The following RYR2 variants were observed in gnomAD, a reference collection of about 807,000 sequenced individuals.
RYR2 encodes ryanodine receptor 2.
A neutral mutation model predicts 601.1 loss-of-function variants in RYR2; 227 were observed. The observed-to-expected ratio is 0.38, with a 90% CI of 0.34 to 0.42. The LOEUF is 0.42. Ranked by LOEUF, RYR2 falls within the 10% of genes least tolerant of loss-of-function variation. The probability of loss-of-function intolerance (pLI) is 1.00; values close to 1 mark genes in which losing one functional copy is unlikely to be tolerated. For missense variants in RYR2, 4,646 were observed against 6,156.5 expected, an observed-to-expected ratio of 0.75 and a Z score of 8.21; for synonymous variants, 2,223 against 2,175.1, an observed-to-expected ratio of 1.02 and a Z score of -0.61.
At chr1:237,815,589 C>T (rs888811666) in intron 100 of RYR2, among the ~76,000 whole-genome samples, 1 of 152,116 alleles carries the variant, frequency 6.6e-6, no homozygotes, top group African/African-American at 2.4e-5. Flanking sequence ...TGCTGGAATC[C>T]CTTCATCACA....
chr1:237,804,404 C>T (rs749672223), intron 98 of RYR2, among the ~76,000 whole-genome samples: 13 of 151,844 alleles, frequency 8.6e-5, no homozygotes, highest in Non-Finnish European at 1.8e-4. Flanking sequence ...TTTACTAGCT[C>T]AGCCCCCTCT....
At chr1:237,796,526 GGTTTC>G (rs902676549) in intron 96 of RYR2, among the ~76,000 whole-genome samples, 3 of 152,008 alleles carry the variant, frequency 2.0e-5, no homozygotes, top group African/African-American at 7.2e-5. Flanking sequence ...TCTTTCTTTT[GGTTTC>G]TTTTAATTTA....
chr1:237,166,621 A>G (rs1676742985), intron 1 of RYR2, among the ~76,000 whole-genome samples: 1 of 152,168 alleles, frequency 6.6e-6, no homozygotes, highest in Non-Finnish European at 1.5e-5. Flanking sequence ...TTTTCTTTGG[A>G]TTTGTTACGT....
intron 62 of RYR2, 89 bp from the exon 63 acceptor site, chr1:237,687,366 C>CTTTTTTTTTTTTTTTTTTTTT: frequency 7.8e-6 from 2 of 257,686 alleles, no homozygotes; most frequent in East Asian, 7.7e-5. Flanking sequence ...TTTTCTTCTT[C>CTTTTTTTTTTTTTTTTTTTTT]TTTTTTTTTT....
At chr1:237,603,495 G>C (rs1023034734) in intron 35 of RYR2, among the ~76,000 whole-genome samples, 1 of 152,212 alleles carries the variant, frequency 6.6e-6, no homozygotes, top group African/African-American at 2.4e-5. Context: ...AAAGACCATC[G>C]ATGCTAGGAA....
chr1:237,541,664 C>A (rs554468710), intron 25 of RYR2, among the ~76,000 whole-genome samples: 2 of 151,886 alleles, frequency 1.3e-5, no homozygotes, highest in Admixed American at 6.6e-5. Context: ...GGGCTGAGTC[C>A]GAAAAGAGAG....
At chr1:237,556,778 C>T (rs888177412) in intron 27 of RYR2, among the ~76,000 whole-genome samples, 2 of 148,506 alleles carry the variant, frequency 1.3e-5, no homozygotes, top group East Asian at 2.0e-4. Flanking sequence ...AGAGTCATAA[C>T]ACAGGGGGTT....
chr1:237,734,473 G>T (rs1690963298), intron 79 of RYR2, among the ~76,000 whole-genome samples: 1 of 152,182 alleles, frequency 6.6e-6, no homozygotes, highest in Non-Finnish European at 1.5e-5. Flanking sequence ...TTTTGGTGGG[G>T]ATACAGAGCC....
At chr1:237,310,480 A>G (rs1694436671) in intron 2 of RYR2, among the ~76,000 whole-genome samples, 1 of 152,218 alleles carries the variant, frequency 6.6e-6, no homozygotes, top group African/African-American at 2.4e-5. Context: ...TTAGGTAAAC[A>G]GCTGATTTAC....
At chr1:237,308,630 G>T (rs1218670970) in intron 2 of RYR2, among the ~76,000 whole-genome samples, 2 of 152,154 alleles carry the variant, frequency 1.3e-5, no homozygotes, top group Admixed American at 6.5e-5. Flanking sequence ...CTTCCTTCTG[G>T]TGGATTCCTG....
Position 237,215,504 on chromosome 1 carries a change from AT to A in RYR2, c.49-54986del, listed in dbSNP as rs560973305. Reference sequence around the variant, plus strand: ...TTCATATTTCCTTTTATTATTTCATATTTTTTTCTCTATATTTTTGCTTCTA... The same window carrying A: ...TTCATATTTCCTTTTATTATTTCATATTTTTTCTCTATATTTTTGCTTCTA... On this transcript the variant is annotated intron_variant, in intron 1 of 104. Coordinates refer to ENST00000366574, the MANE Select transcript of RYR2 (RefSeq NM_001035.3). Among the ~76,000 whole-genome samples, 479 of 152,086 alleles carry A rather than the reference AT, an allele frequency of 3.1e-3. 2 individuals are homozygous for A. The highest frequency in any genetic ancestry group is 9.9e-3 in the African/African-American group (411 of 41,494).
At chr1:237,052,030 G>A (rs186010656) in intron 1 of RYR2, among the ~76,000 whole-genome samples, 137 of 152,250 alleles carry the variant, frequency 9.0e-4, no homozygotes, top group Admixed American at 2.6e-3. Context: ...GAATTGCATC[G>A]AACTGATTCC....
At chr1:237,578,944 G>T (rs909127717) in intron 29 of RYR2, among the ~76,000 whole-genome samples, 6 of 152,082 alleles carry the variant, frequency 3.9e-5, no homozygotes, top group African/African-American at 1.4e-4. Context: ...CTTGGGTTGG[G>T]TTTATCTCTC....
At chr1:237,509,930 C>T (rs544523387) in intron 23 of RYR2, among the ~76,000 whole-genome samples, 147 of 152,278 alleles carry the variant, frequency 9.7e-4, no homozygotes, top group Non-Finnish European at 1.7e-3. Flanking sequence ...TTCAGTAGTG[C>T]AGTGTTGCAA....
chr1:237,350,818 T>A (rs1698774944), intron 3 of RYR2, among the ~76,000 whole-genome samples: 1 of 151,612 alleles, frequency 6.6e-6, no homozygotes, highest in Non-Finnish European at 1.5e-5. Flanking sequence ...GAGATCTCAA[T>A]CAACAATCAA....
chr1:237,320,959 A>G (rs1249935140), intron 2 of RYR2, among the ~76,000 whole-genome samples: 1 of 53,962 alleles, frequency 1.9e-5, no homozygotes, highest in East Asian at 5.5e-4. Flanking sequence ...TCACTGTCAC[A>G]TTTAGGTTTT....
chr1:237,309,217 T>C (rs1391873081), intron 2 of RYR2, among the ~76,000 whole-genome samples: 1 of 139,236 alleles, frequency 7.2e-6, no homozygotes, highest in East Asian at 2.1e-4. Flanking sequence ...CTGATTGGTG[T>C]GTTTACAAAC....
At chr1:237,749,691 A>G (rs1007703330) in intron 80 of RYR2, among the ~76,000 whole-genome samples, 1 of 152,180 alleles carries the variant, frequency 6.6e-6, no homozygotes, top group Non-Finnish European at 1.5e-5. Flanking sequence ...CCAGGCATAA[A>G]TTCTCTTCAT....
intron 16 of RYR2, among the ~76,000 whole-genome samples, chr1:237,463,149 T>A (rs1659675837): frequency 6.6e-6 from 1 of 152,192 alleles, no homozygotes; most frequent in Non-Finnish European, 1.5e-5. Flanking sequence ...TCTCAATATT[T>A]TGAAAAATGT....
Sources: allele counts gnomAD v4.1 joint callset (sites outside exome capture counted in the v4.1 genomes callset), GRCh38; gene constraint gnomAD v4.1.1; transcripts MANE v1.5; gene names NCBI Gene and HGNC (gene_info 2026-07-23, HGNC 2026-07-21).